RNF144A: variants seen among roughly 807,000 people sequenced by gnomAD.
The protein encoded by RNF144A is E3 ubiquitin-protein ligase RNF144A.
Under a neutral mutation model 38.7 loss-of-function variants are expected in RNF144A, and 11 were observed. That is an observed-to-expected ratio of 0.28 (90% CI 0.18 to 0.47). RNF144A has a LOEUF of 0.47. RNF144A is among the 20% of genes least tolerant of loss of function. RNF144A has a pLI of 0.99. For missense variants in RNF144A, 316 were observed against 377.2 expected (o/e 0.84, Z 1.34); for synonymous variants, 149 against 143.9 (o/e 1.04, Z -0.25).
Position 6,926,733 on chromosome 2 carries a change from A to G in RNF144A, c.-212+9111A>G, listed in dbSNP as rs530617951. ...GAATCTGCGTCTTTTCCCTTCAAAG[A>G]CATTTGAGTCCAGAAACAGCCACAT... On this transcript the variant is annotated intron_variant, in intron 1 of 8. Transcript: ENST00000320892. Among the ~76,000 whole-genome samples the G allele has an allele frequency of 3.9e-5, 6 of 152,368 alleles. No individual in the cohort carries two copies. In the South Asian group the frequency reaches 1.0e-3, roughly 26 times the overall value.
chr2:6,994,536 G>C (rs1311058947), intron 2 of RNF144A, among the ~76,000 whole-genome samples: 1 of 152,110 alleles, frequency 6.6e-6, no homozygotes, highest in Non-Finnish European at 1.5e-5. Flanking sequence ...TAAAATTCAA[G>C]GTGTAGAGAA....
chr2:7,046,857 T>G (rs1342463817), downstream of RNF144A, among the ~76,000 whole-genome samples: 1 of 152,258 alleles, frequency 6.6e-6, no homozygotes, highest in Non-Finnish European at 1.5e-5. Context: ...TATCTGGGTC[T>G]TTTTAAAATA....
intron 1 of RNF144A, among the ~76,000 whole-genome samples, chr2:6,933,997 T>C (rs1665384055): frequency 6.6e-6 from 1 of 152,214 alleles, no homozygotes; most frequent in African/African-American, 2.4e-5. Flanking sequence ...GCATGAAATT[T>C]TTTTTCACCA....
intron 1 of RNF144A, among the ~76,000 whole-genome samples, chr2:6,928,488 C>A (rs971147076): frequency 3.9e-5 from 6 of 152,184 alleles, no homozygotes; most frequent in Admixed American, 1.3e-4. Flanking sequence ...CCATACCTGT[C>A]TCTTCTCTGC....
intron 3 of RNF144A, among the ~76,000 whole-genome samples, chr2:7,009,275 A>G (rs1002788914): frequency 3.9e-5 from 6 of 152,230 alleles, no homozygotes; most frequent in Non-Finnish European, 8.8e-5. Context: ...CCCTTCCAGC[A>G]AGGATGCCAC....
chr2:6,943,376 C>G lies in RNF144A; in HGVS notation c.-12+2229C>G, dbSNP rs1325014919. ...CAGTGGTCCAGTGGCTGTGGCCACA[C>G]AAGCTGGATTGGAGAGAAGAATGCA... On this transcript the variant is annotated intron_variant, in intron 2 of 8. Transcript: ENST00000320892. The surrounding 1 kb of genome is among the most constrained non-coding windows in gnomAD (Gnocchi z 4.3). Among the ~76,000 whole-genome samples the G allele has an allele frequency of 6.6e-6, 1 of 152,134 alleles. No homozygotes were observed. Among genetic ancestry groups the G allele is most frequent in the East Asian group, 1.9e-4 (1 of 5,182 alleles).
intron 1 of RNF144A, among the ~76,000 whole-genome samples, chr2:6,936,612 A>T (rs1057200551): frequency 6.6e-6 from 1 of 152,246 alleles, no homozygotes; most frequent in Admixed American, 6.5e-5. Context: ...ACTTGGTGAA[A>T]GAAAGAAATG....
At chr2:6,953,665 A>G (rs1352707016) in intron 2 of RNF144A, among the ~76,000 whole-genome samples, 1 of 152,204 alleles carries the variant, frequency 6.6e-6, no homozygotes, top group African/African-American at 2.4e-5. Context: ...TTTATGTCCC[A>G]GTATAATGTC....
intron 2 of RNF144A, among the ~76,000 whole-genome samples, chr2:6,975,159 C>G (rs1668232075): frequency 6.6e-6 from 1 of 152,134 alleles, no homozygotes; most frequent in African/African-American, 2.4e-5. Flanking sequence ...CTGGGGAGGC[C>G]TCACAATCAT....
chr2:6,970,109 A>G (rs1667915139), intron 2 of RNF144A, among the ~76,000 whole-genome samples: 1 of 152,228 alleles, frequency 6.6e-6, no homozygotes, highest in South Asian at 2.1e-4. Flanking sequence ...TAAGGTGTAT[A>G]TGGAGCAAAA....
intron 6 of RNF144A, among the ~76,000 whole-genome samples, chr2:7,054,334 A>T (rs990878093): frequency 6.6e-6 from 1 of 152,266 alleles, no homozygotes; most frequent in Non-Finnish European, 1.5e-5. Flanking sequence ...GCACACACAT[A>T]CATATACATA....
At chr2:7,047,962 C>G (rs996139968), downstream of RNF144A, among the ~76,000 whole-genome samples, 1 of 152,168 alleles carries the variant, frequency 6.6e-6, no homozygotes, top group Admixed American at 6.5e-5. Context: ...CCACACATGG[C>G]TTCCCTGGGC....
At chr2:7,058,900 C>T (rs1051485277) in intron 6 of RNF144A, among the ~76,000 whole-genome samples, 4 of 152,070 alleles carry the variant, frequency 2.6e-5, no homozygotes, top group African/African-American at 9.7e-5. Context: ...GTGATATGCT[C>T]CCCTTCTCCT....
At chr2:7,033,865 C>T (rs1454904182) in intron 8 of RNF144A, among the ~76,000 whole-genome samples, 10 of 152,222 alleles carry the variant, frequency 6.6e-5, no homozygotes, top group South Asian at 2.1e-4. Context: ...AAGTAGTGCA[C>T]GGGCAAAATC....
Position 7,067,817 on chromosome 2 carries a change from C to T in RNF144A, c.735-399C>T, listed in dbSNP as rs149379513. Among the ~76,000 whole-genome samples, 60 of 152,258 alleles carry T rather than the reference C, an allele frequency of 3.9e-4. 2 individuals are homozygous for T. Among genetic ancestry groups the T allele is most frequent in the African/African-American group, 1.3e-3 (53 of 41,568 alleles). ...TGTAAAGTCCATTTTGGGCTAAGAACGCTGCTAAGTCAGTTTATCAAGAAC... is the reference window on the plus strand; with the variant it reads ...TGTAAAGTCCATTTTGGGCTAAGAATGCTGCTAAGTCAGTTTATCAAGAAC... On this transcript the variant is annotated intron_variant, in intron 6 of 6. Transcript: ENST00000432850.
intron 8 of RNF144A, among the ~76,000 whole-genome samples, chr2:7,038,388 A>G (rs771651380): frequency 4.6e-5 from 7 of 152,158 alleles, no homozygotes; most frequent in Non-Finnish European, 1.0e-4. Flanking sequence ...ACCTGATGGC[A>G]GTTTCTGTAG....
At chr2:7,063,116 T>C (rs995515895) in intron 6 of RNF144A, among the ~76,000 whole-genome samples, 3 of 152,158 alleles carry the variant, frequency 2.0e-5, no homozygotes, top group Non-Finnish European at 4.4e-5. Flanking sequence ...AAAACCTAGA[T>C]GTGGTGGTAA....
chr2:6,988,558 G>A (rs927871036), intron 2 of RNF144A, among the ~76,000 whole-genome samples: 13 of 152,186 alleles, frequency 8.5e-5, no homozygotes, highest in Non-Finnish European at 1.3e-4. Context: ...AGACCCTAGA[G>A]GTGAAACCTT....
At chr2:7,011,323 A>T (rs1227355167) in intron 3 of RNF144A, among the ~76,000 whole-genome samples, 1 of 152,236 alleles carries the variant, frequency 6.6e-6, no homozygotes, top group East Asian at 1.9e-4. Flanking sequence ...ATACAATTGT[A>T]TTAAAGTTAG....
Sources: gnomAD v4.1 joint callset for allele counts (sites outside exome capture counted in the v4.1 genomes callset) on GRCh38, gnomAD v4.1.1 for gene constraint, Gnocchi (gnomAD v3.1) non-coding constraint, MANE v1.5 for transcripts, NCBI Gene and HGNC (gene_info 2026-07-23, HGNC 2026-07-21) for gene names.